The following AHCYL2 variants were observed in gnomAD, a reference collection of about 807,000 sequenced individuals.
AHCYL2 encodes the protein adenosylhomocysteinase like 2.
AHCYL2 carries 28 observed loss-of-function variants against 81.4 expected under a neutral mutation model. That is an observed-to-expected ratio of 0.34 (90% CI 0.25 to 0.47). The LOEUF (loss-of-function observed/expected upper bound fraction) is 0.47. AHCYL2 is among the 20% of genes least tolerant of loss of function. The pLI, the probability that AHCYL2 is intolerant of heterozygous loss-of-function variation, is 1.00. For synonymous variants in AHCYL2, 272 were observed against 290.2 expected, an observed-to-expected ratio of 0.94 and a Z score of 0.64; for missense variants, 551 against 785.1, an observed-to-expected ratio of 0.70 and a Z score of 3.56.
Position 129,380,764 on chromosome 7 carries a change from G to A in AHCYL2, c.475+1015G>A, listed in dbSNP as rs560456142. On this transcript the variant is annotated intron_variant, in intron 2 of 16. Coordinates refer to ENST00000325006, the MANE Select transcript of AHCYL2 (RefSeq NM_015328.4). ...GTGGGGTAGCACAAGATTTGAGACA[G>A]GGTCTCACTCTGTCACCCAGGCAGG... is the stretch of plus-strand genomic sequence containing the variant. Among the ~76,000 whole-genome samples the A allele has an allele frequency of 3.3e-5, 5 of 152,154 alleles. No individual in the cohort carries two copies. In the East Asian group the frequency reaches 5.8e-4, roughly 18 times the overall value.
At chr7:129,357,646 C>G (rs1793777540) in intron 1 of AHCYL2, among the ~76,000 whole-genome samples, 1 of 152,022 alleles carries the variant, frequency 6.6e-6, no homozygotes, top group Non-Finnish European at 1.5e-5. Flanking sequence ...TAAAAATGTG[C>G]TTGGTGGGCC....
At chr7:129,278,763 C>CT (rs36037913) in intron 1 of AHCYL2, among the ~76,000 whole-genome samples, 42,610 of 111,298 alleles carry the variant, frequency 0.38, 8,942 homozygotes, top group Non-Finnish European at 0.43. Context: ...TATTGAAGCT[C>CT]TTTTTTTTTT....
chr7:129,250,611 G>GAAAAA (rs1189371758), intron 1 of AHCYL2, among the ~76,000 whole-genome samples: 2 of 152,122 alleles, frequency 1.3e-5, no homozygotes, highest in Admixed American at 6.5e-5. Context: ...CCTTGTTTCC[G>GAAAAA]ATTTTAGAGG....
chr7:129,398,215 T>G lies in AHCYL2; in HGVS notation c.823+891T>G, dbSNP rs1190044731. ...TTGAAGACACAGGGTCTTGCTGTGT[T>G]GCTCAGGCTGGTCTCAAACAGCCAG... On this transcript the variant is annotated intron_variant, in intron 5 of 16. Transcript: ENST00000325006. Among the ~76,000 whole-genome samples, 9 of 151,902 alleles carry G rather than the reference T, an allele frequency of 5.9e-5. No individual in the cohort carries two copies. The East Asian group carries it at 1.7e-3, about 29-fold the overall frequency.
At chr7:129,380,339 C>CCCTTGAAG (rs965175720) in intron 2 of AHCYL2, among the ~76,000 whole-genome samples, 53 of 152,102 alleles carry the variant, frequency 3.5e-4, no homozygotes, top group African/African-American at 1.2e-3. Context: ...TGTGTAGGAC[C>CCCTTGAAG]CCTTGAAGGC....
chr7:129,266,107 A>G lies in AHCYL2; in HGVS notation c.363+40668A>G, dbSNP rs80308780. On this transcript the variant is annotated intron_variant, in intron 1 of 16. Coordinates refer to ENST00000325006, the MANE Select transcript of AHCYL2 (RefSeq NM_015328.4). ...GTAATCAGTGTCTTCCTGTTTTAGT[A>G]TATTCCTGTTTCTTGTCTCCTTTTC... 9.7e-4 allele frequency among the ~76,000 whole-genome samples: 147 copies of G among 152,290 alleles called. 2 individuals are homozygous for G. In the East Asian group the frequency reaches 0.025, roughly 26 times the overall value.
chr7:129,337,186 G>T (rs1798632067), intron 1 of AHCYL2, among the ~76,000 whole-genome samples: 1 of 151,924 alleles, frequency 6.6e-6, no homozygotes, highest in African/African-American at 2.4e-5. Context: ...TTCCCCTAAG[G>T]CTATCACTAT....
chr7:129,266,395 CTCACG>C (rs1795812396), intron 1 of AHCYL2, among the ~76,000 whole-genome samples: 1 of 152,136 alleles, frequency 6.6e-6, no homozygotes, highest in South Asian at 2.1e-4. Context: ...GGCGTGGTGG[CTCACG>C]CCTGTAATCC....
intron 1 of AHCYL2, among the ~76,000 whole-genome samples, chr7:129,236,490 T>C (rs1794649065): frequency 6.6e-6 from 1 of 152,046 alleles, no homozygotes. Flanking sequence ...TGTGAGCCAA[T>C]GTACCTGGCC....
intron 1 of AHCYL2, among the ~76,000 whole-genome samples, chr7:129,377,133 C>T (rs1794723588): frequency 6.6e-6 from 1 of 152,166 alleles, no homozygotes; most frequent in African/African-American, 2.4e-5. Context: ...ATAAGAATCA[C>T]AGCTTCTCCC....
chr7:129,320,365 C>T (rs1797972954), intron 1 of AHCYL2, among the ~76,000 whole-genome samples: 1 of 152,352 alleles, frequency 6.6e-6, no homozygotes, highest in Non-Finnish European at 1.5e-5. Flanking sequence ...GTCACCTAGG[C>T]TGCAGTGCAA....
At chr7:129,285,729 T>G (rs542436683) in intron 1 of AHCYL2, among the ~76,000 whole-genome samples, 1 of 142,168 alleles carries the variant, frequency 7.0e-6, no homozygotes, top group South Asian at 2.2e-4. Flanking sequence ...AGATAGGGTC[T>G]GGCTCTGTCA....
chr7:129,298,522 A>G (rs1000575211), intron 1 of AHCYL2, among the ~76,000 whole-genome samples: 1 of 152,234 alleles, frequency 6.6e-6, no homozygotes, highest in South Asian at 2.1e-4. Flanking sequence ...TGAAACATAT[A>G]ACAGCTATGG....
chr7:129,342,779 C>T (rs935215575), intron 1 of AHCYL2, among the ~76,000 whole-genome samples: 15 of 152,172 alleles, frequency 9.9e-5, no homozygotes, highest in African/African-American at 3.4e-4. Flanking sequence ...TCCCTACTCA[C>T]CTCTGTTCAC....
rs1794224086 is a variant in AHCYL2 at position 129,368,707 on chromosome 7, C to T, written c.364-10931C>T. Among the ~76,000 whole-genome samples, 1 of 152,154 alleles carries T rather than the reference C, an allele frequency of 6.6e-6. No individual in the cohort carries two copies. The highest frequency in any genetic ancestry group is 1.5e-5 in the Non-Finnish European group (1 of 68,020). ...CTACGTTCTGATTAGTTCCTAGGTA[C>T]TAGGTCACCACTGTTTCTTAATTAT... On this transcript the variant is annotated intron_variant, in intron 1 of 16. Transcript: ENST00000325006. The surrounding 1 kb of genome is among the most constrained non-coding windows in gnomAD (Gnocchi z 4.4).
Position 129,425,261 on chromosome 7 carries a change from A to G in AHCYL2, c.1708+120A>G, listed in dbSNP as rs766785110. 4.9e-6 allele frequency: 4 copies of G among 822,082 alleles called. No homozygotes were observed. The East Asian group carries it at 1.0e-4, about 22-fold the overall frequency. 50.9% of individuals were successfully genotyped at this position (822,082 alleles called of 1,614,324 possible). ...GGAAAAAAGGTACCTTCATCTTGTA[A>G]AGTAGGAATTAGGATTCCTAGGTGC... is the stretch of plus-strand genomic sequence containing the variant. On this transcript the variant is annotated intron_variant, in intron 15 of 16. Coordinates refer to ENST00000325006, the MANE Select transcript of AHCYL2 (RefSeq NM_015328.4).
chr7:129,233,289 A>G (rs189338107), intron 1 of AHCYL2, among the ~76,000 whole-genome samples: 5 of 151,654 alleles, frequency 3.3e-5, no homozygotes, highest in Admixed American at 2.6e-4. Flanking sequence ...GGTTCAAGCA[A>G]TCCTCCTGTC....
At chr7:129,326,253 A>G (rs1223025530) in intron 1 of AHCYL2, among the ~76,000 whole-genome samples, 1 of 152,180 alleles carries the variant, frequency 6.6e-6, no homozygotes, top group African/African-American at 2.4e-5. Flanking sequence ...CTGGCTGGGC[A>G]CAGTGGCTTA....
At chr7:129,425,239 AAAAAGG>A in intron 15 of AHCYL2, 98 bp downstream of exon 15, 1 of 1,007,794 alleles carries the variant, frequency 9.9e-7, no homozygotes, top group Non-Finnish European at 1.5e-6. Flanking sequence ...GGATGGGGGA[AAAAAGG>A]TACCTTCATC....
Sources: gnomAD v4.1 joint callset for allele counts (sites outside exome capture counted in the v4.1 genomes callset) on GRCh38, gnomAD v4.1.1 for gene constraint, Gnocchi (gnomAD v3.1) non-coding constraint, MANE v1.5 for transcripts, NCBI Gene and HGNC (gene_info 2026-07-23, HGNC 2026-07-21) for gene names.